PTPRT: variants seen among roughly 807,000 people sequenced by gnomAD.
PTPRT encodes the protein protein tyrosine phosphatase receptor type T.
PTPRT carries 56 observed loss-of-function variants against 176.8 expected under a neutral mutation model. The ratio of observed to expected loss-of-function variants is 0.32; its 90% confidence interval spans 0.26 to 0.40. PTPRT has a LOEUF of 0.40. Ranked by LOEUF, PTPRT falls within the 10% of genes least tolerant of loss-of-function variation. The pLI is 1.00. For missense variants in PTPRT, 1,540 were observed against 1,908.2 expected (o/e 0.81, Z 3.60); for synonymous variants, 783 against 739.0 (o/e 1.06, Z -0.96).
intron 14 of PTPRT, 54 bp from the exon 15 acceptor site, chr20:42,236,312 A>C: frequency 7.3e-7 from 1 of 1,378,920 alleles, no homozygotes; most frequent in Non-Finnish European, 1.0e-6. Flanking sequence ...GGGGAAAAAG[A>C]AAAGACAAAC....
At chr20:43,086,986 G>A (rs1370791426) in intron 1 of PTPRT, among the ~76,000 whole-genome samples, 1 of 152,144 alleles carries the variant, frequency 6.6e-6, no homozygotes, top group Non-Finnish European at 1.5e-5. Context: ...ATATACAATT[G>A]TGTGGGCACC....
At chr20:42,176,379 G>C (rs1352653083) in intron 16 of PTPRT, among the ~76,000 whole-genome samples, 1 of 152,140 alleles carries the variant, frequency 6.6e-6, no homozygotes, top group Non-Finnish European at 1.5e-5. Context: ...ATCTTCTCCT[G>C]ATGGGCTTCT....
At chr20:42,543,502 G>A (rs191438096) in intron 7 of PTPRT, among the ~76,000 whole-genome samples, 176 of 152,154 alleles carry the variant, frequency 1.2e-3, no homozygotes, top group African/African-American at 4.0e-3. Flanking sequence ...CATGTGGAAC[G>A]ACTTCTTCCA....
intron 20 of PTPRT, among the ~76,000 whole-genome samples, chr20:42,118,939 A>T (rs1454595873): frequency 6.6e-6 from 1 of 151,392 alleles, no homozygotes; most frequent in Non-Finnish European, 1.5e-5. Flanking sequence ...CGCTGAGAAC[A>T]AAAACAGGAG....
At chr20:42,151,142 T>A (rs6030003) in intron 17 of PTPRT, among the ~76,000 whole-genome samples, 20,017 of 149,150 alleles carry the variant, frequency 0.13, 3,382 homozygotes, top group African/African-American at 0.4. Context: ...TTTTTTTTTT[T>A]AATTTTACTT....
intron 1 of PTPRT, among the ~76,000 whole-genome samples, chr20:43,121,551 G>A (rs1167392248): frequency 6.6e-6 from 1 of 152,070 alleles, no homozygotes; most frequent in Admixed American, 6.5e-5. Context: ...GTTTTTATTT[G>A]CATTTCCTGG....
chr20:43,189,653 G>A lies in PTPRT; in HGVS notation c.81C>T (p.Ser27=), dbSNP rs915651552. 7.7e-7 allele frequency: 1 copy of A among 1,304,080 alleles called. No individual in the cohort carries two copies. The highest frequency in any genetic ancestry group is 9.7e-7 in the Non-Finnish European group (1 of 1,027,484). 80.8% of individuals were successfully genotyped at this position (1,304,080 alleles called of 1,614,324 possible). A position where few individuals can be genotyped will look rare whatever the true frequency, so the allele number is the denominator to read the frequency against. The part of the protein sequence containing the change: ...LPPLPGARAQ[S]AAGGCSFDEH... ...CCGGGCGGGCGCACTCACCTGCGGC[G>A]CTCTGAGCCCGGGCGCCGGGCAGTG... Residue 27 remains serine (S), a synonymous_variant, in exon 1 of 31, where the codon AGC becomes AGT. Coordinates refer to ENST00000373187, the MANE Select transcript of PTPRT (RefSeq NM_007050.6). The surrounding 1 kb of genome is among the most constrained non-coding windows in gnomAD (Gnocchi z 5.0).
intron 7 of PTPRT, among the ~76,000 whole-genome samples, chr20:42,666,039 A>C (rs536079473): frequency 2.0e-5 from 3 of 152,140 alleles, no homozygotes; most frequent in Non-Finnish European, 4.4e-5. Context: ...ACATGTATAC[A>C]TATGTAACAA....
chr20:42,636,017 T>C (rs998056459), intron 7 of PTPRT, among the ~76,000 whole-genome samples: 7 of 152,184 alleles, frequency 4.6e-5, no homozygotes, highest in Admixed American at 1.3e-4. Flanking sequence ...GAGTTAATGC[T>C]GAATATATTT....
At chr20:42,283,843 G>A (rs1398943566) in intron 12 of PTPRT, among the ~76,000 whole-genome samples, 3 of 151,994 alleles carry the variant, frequency 2.0e-5, no homozygotes, top group African/African-American at 4.8e-5. Flanking sequence ...CAATGTCTAC[G>A]GCAGATTCTA....
At chr20:42,567,499 T>G (rs1334833713) in intron 7 of PTPRT, among the ~76,000 whole-genome samples, 1 of 152,206 alleles carries the variant, frequency 6.6e-6, no homozygotes, top group East Asian at 1.9e-4. Flanking sequence ...TGAGGTACTG[T>G]ACACTTTCTT....
intron 2 of PTPRT, among the ~76,000 whole-genome samples, chr20:42,795,187 A>T (rs1434406979): frequency 6.6e-6 from 1 of 151,396 alleles, no homozygotes; most frequent in Non-Finnish European, 1.5e-5. Context: ...TCTCCCTTAA[A>T]AAAAAAAAAT....
intron 16 of PTPRT, among the ~76,000 whole-genome samples, chr20:42,168,674 T>A (rs1989940793): frequency 6.6e-6 from 1 of 152,230 alleles, no homozygotes. Flanking sequence ...CTCAATTGAT[T>A]CAACCACAGG....
intron 15 of PTPRT, among the ~76,000 whole-genome samples, chr20:42,212,626 T>A (rs1187447422): frequency 6.6e-6 from 1 of 152,104 alleles, no homozygotes; most frequent in Non-Finnish European, 1.5e-5. Context: ...CTGAGCCCTC[T>A]GCATGCCAGT....
chr20:42,036,012 G>T, the PTPRT span, among the ~76,000 whole-genome samples: 1 of 152,200 alleles, frequency 6.6e-6, no homozygotes, highest in Non-Finnish European at 1.5e-5. Context: ...GGTAGGGGAA[G>T]TGTGACAAGT....
At position 42,150,977 on chromosome 20, in the gene PTPRT, C is replaced by T. The variant is rs116016828; in HGVS notation, c.2683-8975G>A. Among the ~76,000 whole-genome samples the T allele has an allele frequency of 7.0e-3, 1,071 of 152,236 alleles. 13 individuals are homozygous for T. Among genetic ancestry groups the T allele is most frequent in the African/African-American group, 0.024 (1,004 of 41,542 alleles). ...TGATTAGTGACTACCCGATACAATACCCATAGCACCTGGCACAATGCCTGG... is the reference window on the plus strand; with the variant it reads ...TGATTAGTGACTACCCGATACAATATCCATAGCACCTGGCACAATGCCTGG... On this transcript the variant is annotated intron_variant, in intron 17 of 30. Transcript: ENST00000373187.
rs1327994221 is a variant in PTPRT, at chr20:42,665,170, G to A, written c.1153+12696C>T. ...CATCAGAGTGAACAGGCAACCTACA[G>A]AATGGGAGAAAATTTTTGCAATCTA... On this transcript the variant is annotated intron_variant, in intron 7 of 30. Transcript: ENST00000373187. Among the ~76,000 whole-genome samples the A allele has an allele frequency of 2.2e-4, 34 of 151,906 alleles. No homozygotes were observed. The South Asian group carries it at 5.7e-3, about 25-fold the overall frequency.
intron 8 of PTPRT, among the ~76,000 whole-genome samples, chr20:42,461,837 T>G (rs548364453): frequency 6.7e-6 from 1 of 149,222 alleles, no homozygotes; most frequent in South Asian, 2.1e-4. Flanking sequence ...GGGGATGGAA[T>G]AGCTTGAGGA....
chr20:42,982,493 T>C (rs1417760559), intron 1 of PTPRT, among the ~76,000 whole-genome samples: 2 of 152,010 alleles, frequency 1.3e-5, no homozygotes, highest in Non-Finnish European at 2.9e-5. Context: ...GGAGGTGAGA[T>C]GTGAAATAAG....
Sources: allele counts gnomAD v4.1 joint callset (sites outside exome capture counted in the v4.1 genomes callset), GRCh38; gene constraint gnomAD v4.1.1; non-coding constraint Gnocchi (gnomAD v3.1); transcripts MANE v1.5; gene names NCBI Gene and HGNC (gene_info 2026-07-23, HGNC 2026-07-21).